DNAH10: variants seen among roughly 807,000 people sequenced by gnomAD.
The protein encoded by DNAH10 is axonemal beta dynein heavy chain 10.
A neutral mutation model predicts 506.6 loss-of-function variants in DNAH10; 348 were observed. The ratio of observed to expected loss-of-function variants is 0.69; its 90% CI spans 0.63 to 0.75. The LOEUF (loss-of-function observed/expected upper bound fraction) is 0.75. Among genes scored for constraint, DNAH10 ranks in the 30% least tolerant of loss-of-function variants. The probability of loss-of-function intolerance (pLI) is 0.00; values close to 1 mark genes in which losing one functional copy is unlikely to be tolerated. For synonymous variants in DNAH10, 2,059 were observed against 2,198.6 expected (o/e 0.94, Z 1.78); for missense variants, 5,179 against 5,787.1 (o/e 0.89, Z 3.41).
At chr12:123,871,673 C>G in intron 45 of DNAH10, 71 bp downstream of exon 45, 1 of 1,489,324 alleles carries the variant, frequency 6.7e-7, no homozygotes, top group Non-Finnish European at 9.0e-7. Flanking sequence ...AGCTTCATAC[C>G]ACAAGCACTG....
chr12:123,921,025 G>A (rs1038142612), intron 65 of DNAH10, among the ~76,000 whole-genome samples: 4 of 152,054 alleles, frequency 2.6e-5, no homozygotes, highest in Admixed American at 2.0e-4. Flanking sequence ...CTCCTGCCTC[G>A]GCCTCCCAAA....
At chr12:123,876,662 GT>G (rs1413524969) in intron 47 of DNAH10, among the ~76,000 whole-genome samples, 3 of 151,640 alleles carry the variant, frequency 2.0e-5, no homozygotes, top group South Asian at 4.2e-4. Flanking sequence ...TTAAAAATAA[GT>G]AGTAAAATTC....
intron 2 of DNAH10, among the ~76,000 whole-genome samples, chr12:123,769,525 T>C (rs1957171229): frequency 1.3e-5 from 2 of 152,156 alleles, no homozygotes; most frequent in South Asian, 4.1e-4. Flanking sequence ...GCCACAGCAA[T>C]GTCTGCTGAG....
At chr12:123,788,969 G>A (rs1356966926) in intron 10 of DNAH10, among the ~76,000 whole-genome samples, 1 of 151,640 alleles carries the variant, frequency 6.6e-6, no homozygotes, top group African/African-American at 2.4e-5. Flanking sequence ...AGCTTTTTCG[G>A]CTAGATGCGG....
At chr12:123,829,522 C>G (rs1049761356) in intron 25 of DNAH10, among the ~76,000 whole-genome samples, 1 of 152,112 alleles carries the variant, frequency 6.6e-6, no homozygotes, top group Non-Finnish European at 1.5e-5. Flanking sequence ...GTGGTGAGAC[C>G]TTCAGCTTCA....
At chr12:123,927,881 G>A (rs538453002) in intron 69 of DNAH10, 38 of 159,922 alleles carry the variant, frequency 2.4e-4, no homozygotes, top group Non-Finnish European at 1.4e-4. Flanking sequence ...CTATTGTAAC[G>A]CCAGCACTCA....
intron 28 of DNAH10, among the ~76,000 whole-genome samples, chr12:123,837,557 A>G (rs1961293000): frequency 6.6e-6 from 1 of 151,400 alleles, no homozygotes; most frequent in African/African-American, 2.4e-5. Context: ...ATAAATAAAT[A>G]ACATTCTACA....
intron 55 of DNAH10, among the ~76,000 whole-genome samples, chr12:123,898,168 T>G (rs1391617701): frequency 2.0e-5 from 3 of 152,168 alleles, no homozygotes; most frequent in Non-Finnish European, 4.4e-5. Flanking sequence ...CAGTGTTGAG[T>G]CTTAGACTTT....
At chr12:123,924,670 C>T (rs746569356) in intron 67 of DNAH10, among the ~76,000 whole-genome samples, 2 of 136,406 alleles carry the variant, frequency 1.5e-5, no homozygotes, top group South Asian at 2.1e-4. Flanking sequence ...ACCCACCCAC[C>T]CATCCATCCA....
intron 47 of DNAH10, among the ~76,000 whole-genome samples, chr12:123,876,159 T>G (rs1952247642): frequency 6.6e-6 from 1 of 151,950 alleles, no homozygotes; most frequent in African/African-American, 2.4e-5. Flanking sequence ...AGGTGTGGAG[T>G]GGCCAGGCCT....
At chr12:123,804,759 A>G (rs1958598791) in intron 17 of DNAH10, 74 bp from the exon 18 acceptor site, 1 of 1,467,540 alleles carries the variant, frequency 6.8e-7, no homozygotes, top group Non-Finnish European at 9.4e-7. Flanking sequence ...CACACAGCTC[A>G]TGTTTGGATT....
chr12:123,871,343 C>T (rs954867473), intron 44 of DNAH10, 114 bp from the exon 45 acceptor site: 14 of 1,239,464 alleles, frequency 1.1e-5, no homozygotes, highest in African/African-American at 1.5e-5. Flanking sequence ...CATGTCTTGG[C>T]CTTTGCTCCT....
Position 123,924,363 on chromosome 12 carries a change from A to C in DNAH10, c.11697A>C (p.Ser3899=). 1 of 1,613,808 alleles carries C rather than the reference A, an allele frequency of 6.2e-7. No individual in the cohort carries two copies. The highest frequency in any genetic ancestry group is 2.2e-5 in the East Asian group (1 of 44,886). Residue 3899 remains serine, a synonymous_variant, in exon 67 of 79, where the codon TCA becomes TCC. Transcript: ENST00000673944. ...GATGGGAAGATATCATTCTTTTATC[A>C]GAAATGTTTTCAGACAACTTTGGGC... ...DQGWEDIILL[S]EMFSDNFGQL...
At chr12:123,884,196 G>GGC (rs1428070068) in intron 51 of DNAH10, among the ~76,000 whole-genome samples, 2 of 152,166 alleles carry the variant, frequency 1.3e-5, no homozygotes, top group Admixed American at 1.3e-4. Context: ...CACCACGCCC[G>GGC]GCTAACTTTT....
At chr12:123,899,463 C>G (rs551321399) in intron 56 of DNAH10, among the ~76,000 whole-genome samples, 1 of 152,098 alleles carries the variant, frequency 6.6e-6, no homozygotes, top group African/African-American at 2.4e-5. Flanking sequence ...CCTGCTGGTC[C>G]GTGTTCGTGT....
At chr12:123,859,093 A>C (rs1186968219) in intron 37 of DNAH10, 57 bp from the exon 38 acceptor site, 1 of 1,495,264 alleles carries the variant, frequency 6.7e-7, no homozygotes, top group Admixed American at 2.0e-5. Context: ...TATCGCAATA[A>C]AACTGCGTCA....
At position 123,853,393 on chromosome 12, in the gene DNAH10, T is replaced by C. The variant is rs1208051333; in HGVS notation, c.6438+41T>C. 6.3e-7 allele frequency: 1 copy of C among 1,591,914 alleles called. No homozygotes were observed. The highest frequency in any genetic ancestry group is 1.8e-5 in the Admixed American group (1 of 57,044). On this transcript the variant is annotated intron_variant, in intron 36 of 78. Coordinates refer to ENST00000673944, the MANE Select transcript of DNAH10 (RefSeq NM_001372106.1). The surrounding 1 kb of genome is among the most constrained non-coding windows in gnomAD (Gnocchi z 4.7). ...TGGAACATTCTCTGGTTTCAGCTGC[T>C]TCAGGCATTTACTACGTGCCATTGG...
intron 48 of DNAH10, among the ~76,000 whole-genome samples, chr12:123,878,786 CCA>C (rs1952372216): frequency 6.6e-6 from 1 of 152,084 alleles, no homozygotes; most frequent in Admixed American, 6.5e-5. Flanking sequence ...GTAGTCCCAG[CCA>C]CTTGGGAGGC....
intron 25 of DNAH10, among the ~76,000 whole-genome samples, chr12:123,829,511 A>G (rs1161892750): frequency 6.6e-6 from 1 of 152,198 alleles, no homozygotes; most frequent in Non-Finnish European, 1.5e-5. Context: ...TTCAGCGTTC[A>G]GTGGTGAGAC....
Sources: allele counts gnomAD v4.1 joint callset (sites outside exome capture counted in the v4.1 genomes callset), GRCh38; gene constraint gnomAD v4.1.1; non-coding constraint Gnocchi (gnomAD v3.1); transcripts MANE v1.5; gene names NCBI Gene and HGNC (gene_info 2026-07-23, HGNC 2026-07-21).